The following FRY variants were observed in gnomAD, a reference collection of about 807,000 sequenced individuals.
FRY encodes protein furry homolog.
FRY carries 128 observed loss-of-function variants against 348.4 expected under a neutral mutation model. That is an observed-to-expected ratio of 0.37 (90% CI 0.32 to 0.43). The LOEUF (loss-of-function observed/expected upper bound fraction) is 0.43, where lower values mean the gene tolerates loss of function less well. FRY is among the 20% of genes least tolerant of loss of function. FRY has a pLI of 1.00. For synonymous variants in FRY, 1,370 were observed against 1,374.7 expected, an observed-to-expected ratio of 1.00 and a Z score of 0.08; for missense variants, 2,736 against 3,695.2, an observed-to-expected ratio of 0.74 and a Z score of 6.73.
intron 41 of FRY, among the ~76,000 whole-genome samples, chr13:32,233,156 T>C (rs1044196403): frequency 6.6e-6 from 1 of 152,342 alleles, no homozygotes; most frequent in East Asian, 1.9e-4. Flanking sequence ...AAGTCAATTT[T>C]CCAGGACCCT....
At chr13:32,247,812 A>G (rs1886883801) in intron 48 of FRY, among the ~76,000 whole-genome samples, 1 of 152,246 alleles carries the variant, frequency 6.6e-6, no homozygotes, top group African/African-American at 2.4e-5. Flanking sequence ...TTTATCTGAC[A>G]ATGGTCATGT....
intron 2 of FRY, chr13:32,085,773 T>C: frequency 4.4e-6 from 2 of 454,020 alleles, no homozygotes; most frequent in South Asian, 3.3e-5. Context: ...TAATGGAGGC[T>C]TGAGCAGGGG....
intron 8 of FRY, among the ~76,000 whole-genome samples, chr13:32,134,232 A>C (rs1333396651): frequency 6.6e-6 from 1 of 152,220 alleles, no homozygotes; most frequent in Non-Finnish European, 1.5e-5. Flanking sequence ...TGGCAGGCCA[A>C]CTTTCCTACA....
chr13:32,032,968 T>G (rs979743357), intron 1 of FRY, among the ~76,000 whole-genome samples: 1 of 152,204 alleles, frequency 6.6e-6, no homozygotes, highest in Non-Finnish European at 1.5e-5. Context: ...GGAGAACCTG[T>G]GCTGCAATTG....
chr13:32,207,546 G>A (rs1449192072), intron 31 of FRY, among the ~76,000 whole-genome samples: 2 of 152,084 alleles, frequency 1.3e-5, no homozygotes, highest in African/African-American at 4.8e-5. Flanking sequence ...CGTACCTTGG[G>A]ACAAATGAAT....
At chr13:32,173,271 C>T (rs1245686168) in intron 18 of FRY, 96 bp from the exon 19 acceptor site, 1 of 856,512 alleles carries the variant, frequency 1.2e-6, no homozygotes, top group Non-Finnish European at 2.0e-6. Context: ...TTAATATTTA[C>T]AAGGTCAAAT....
At chr13:32,254,436 CCTTGA>C in intron 51 of FRY, 42 bp downstream of exon 51, 1 of 1,532,606 alleles carries the variant, frequency 6.5e-7, no homozygotes, top group Non-Finnish European at 9.0e-7. Context: ...GCACCCTTTT[CCTTGA>C]CTAATGAAAC....
Position 32,295,337 on chromosome 13 carries a change from C to T in FRY, c.8919C>T (p.Thr2973=), listed in dbSNP as rs543758530. The stretch of plus-strand genomic sequence containing the variant: ...TGGTGGGGTCTAACCAGAGCCTGAC[C>T]GAGATCTGCACCAAGCTGATGGAGC... ...YALVGSNQSL[T]EICTKLMELN... Residue 2973 remains threonine (T), a synonymous_variant, in exon 61 of 61, where the codon ACC becomes ACT. Coordinates refer to ENST00000542859, the MANE Select transcript of FRY (RefSeq NM_023037.3). 9.3e-6 allele frequency: 15 copies of T among 1,613,918 alleles called. No individual in the cohort carries two copies. The highest frequency in any genetic ancestry group is 1.6e-4 in the Middle Eastern group (1 of 6,062).
intron 1 of FRY, among the ~76,000 whole-genome samples, chr13:32,049,076 T>G (rs763443490): frequency 6.6e-6 from 1 of 152,148 alleles, no homozygotes; most frequent in Non-Finnish European, 1.5e-5. Flanking sequence ...CAGAAATAGG[T>G]GCTCTGCCCA....
chr13:32,288,757 A>G (rs1009716177), intron 58 of FRY, among the ~76,000 whole-genome samples: 1 of 152,248 alleles, frequency 6.6e-6, no homozygotes, highest in African/African-American at 2.4e-5. Context: ...ACTGCTGGCC[A>G]TGAAATTCTA....
chr13:32,250,236 C>T (rs1203632035), intron 49 of FRY, among the ~76,000 whole-genome samples: 1 of 152,208 alleles, frequency 6.6e-6, no homozygotes. Flanking sequence ...CATTGGGCTT[C>T]CTGTCAAGTA....
Position 32,254,689 on chromosome 13 carries a change from T to TA in FRY, c.7416+305dup, listed in dbSNP as rs998833728. On this transcript the variant is annotated intron_variant, in intron 51 of 60. Coordinates refer to ENST00000542859, the MANE Select transcript of FRY (RefSeq NM_023037.3). Reference sequence around the variant, plus strand: ...TGTGTGTGTAGTCCCAAGCTGGACTTAAAAAAAAAATCACAAAAAACATTT... The same window carrying TA: ...TGTGTGTGTAGTCCCAAGCTGGACTTAAAAAAAAAAATCACAAAAAACATTT... 3.0e-3 allele frequency among the ~76,000 whole-genome samples: 446 copies of TA among 150,508 alleles called. 2 individuals are homozygous for TA. Among genetic ancestry groups the TA allele is most frequent in the African/African-American group, 0.01 (420 of 41,046 alleles).
chr13:32,144,274 T>TC (rs57482314), intron 11 of FRY, among the ~76,000 whole-genome samples: 2 of 150,798 alleles, frequency 1.3e-5, no homozygotes, highest in Non-Finnish European at 2.9e-5. Context: ...GGTTTTTTTT[T>TC]CTCCATGAAG....
intron 1 of FRY, among the ~76,000 whole-genome samples, chr13:32,039,748 C>A (rs1032296105): frequency 1.3e-5 from 2 of 152,140 alleles, no homozygotes; most frequent in Admixed American, 6.5e-5. Flanking sequence ...TGATGAGCTG[C>A]AGATGGAAAT....
At chr13:32,074,734 A>C (rs1484107135) in intron 1 of FRY, among the ~76,000 whole-genome samples, 1 of 152,270 alleles carries the variant, frequency 6.6e-6, no homozygotes, top group African/African-American at 2.4e-5. Context: ...CAAATTAAGC[A>C]ACAGGAACAA....
intron 42 of FRY, 123 bp downstream of exon 42, chr13:32,234,884 A>G (rs988780532): frequency 3.9e-6 from 3 of 777,874 alleles, no homozygotes; most frequent in African/African-American, 3.5e-5. Flanking sequence ...TGTACAATAT[A>G]TTTTTTCAAT....
intron 12 of FRY, 126 bp from the exon 13 acceptor site, chr13:32,147,713 G>T: frequency 1.4e-6 from 1 of 738,392 alleles, no homozygotes; most frequent in Non-Finnish European, 2.5e-6. Context: ...AAGAGGTGAG[G>T]TGGTTTGTTT....
Position 32,078,859 on chromosome 13 carries a change from C to T in FRY, c.96C>T (p.Ile32=), listed in dbSNP as rs192400144. ...CTTCTCCCGTTGGCAACGGTTACAT[C>T]AAGCCTCCGGTTCCACCTGCTTCTG... The part of the protein sequence containing the change: ...SNTSPVGNGY[I]KPPVPPASGT... Residue 32 remains isoleucine, a synonymous_variant, in exon 2 of 61, where the codon ATC becomes ATT. Coordinates refer to ENST00000542859, the MANE Select transcript of FRY (RefSeq NM_023037.3). The T allele has an allele frequency of 3.1e-4, 493 of 1,614,096 alleles. 3 individuals carry two copies. The African/African-American group carries it at 5.5e-3, about 18-fold the overall frequency.
chr13:32,228,474 G>A lies in FRY; in HGVS notation c.5225G>A (p.Arg1742Lys), dbSNP rs1885725865. 1 of 1,612,336 alleles carries A rather than the reference G, an allele frequency of 6.2e-7. No individual in the cohort carries two copies. Among genetic ancestry groups the A allele is most frequent in the Non-Finnish European group, 8.5e-7 (1 of 1,179,800 alleles). The part of the protein sequence containing the change: ...YLYTGGFDFL[R>K]EDQSSPVPDS... ...CCACCAGGTGGCTTTGACTTCCTGA[G>A]AGAGGACCAGTCATCCCCGGTGCCT... The change falls in exon 40 of 61, where the codon AGA (arginine) becomes AAA (lysine). Residue 1742 changes from arginine (R) to lysine (K), a missense_variant. Transcript: ENST00000542859.
Sources: allele counts gnomAD v4.1 joint callset (sites outside exome capture counted in the v4.1 genomes callset), GRCh38; gene constraint gnomAD v4.1.1; transcripts MANE v1.5; gene names NCBI Gene and HGNC (gene_info 2026-07-23, HGNC 2026-07-21).